FOXP1: variants seen among roughly 807,000 people sequenced by gnomAD.
The protein encoded by FOXP1 is forkhead box protein P1.
In FOXP1, 15 loss-of-function variants were observed where a neutral mutation model predicts 98.2. That is an observed-to-expected ratio of 0.15 (90% CI 0.10 to 0.24). The LOEUF (loss-of-function observed/expected upper bound fraction) is 0.24, where lower values mean the gene tolerates loss of function less well. FOXP1 is among the 10% of genes least tolerant of loss of function. The pLI, the probability that FOXP1 is intolerant of heterozygous loss-of-function variation, is 1.00. For missense variants in FOXP1, 633 were observed against 848.5 expected (o/e 0.75, Z 3.15); for synonymous variants, 371 against 314.5 (o/e 1.18, Z -1.90).
At chr3:71,000,890 A>G in intron 13 of FOXP1, 82 bp downstream of exon 13, 2 of 831,968 alleles carry the variant, frequency 2.4e-6, no homozygotes, top group Non-Finnish European at 4.2e-6. Flanking sequence ...TAATGAGTAC[A>G]CAGGAACTCA....
chr3:71,401,356 G>C (rs1477458622), intron 3 of FOXP1, among the ~76,000 whole-genome samples: 1 of 152,218 alleles, frequency 6.6e-6, no homozygotes, highest in African/African-American at 2.4e-5. Context: ...AAGAGAGAGA[G>C]AGAGGCAGCT....
At chr3:71,460,825 G>A (rs1348659747) in intron 3 of FOXP1, among the ~76,000 whole-genome samples, 2 of 152,276 alleles carry the variant, frequency 1.3e-5, no homozygotes, top group South Asian at 2.1e-4. Context: ...ATTCTGAGTG[G>A]CAACCATGTA....
chr3:71,122,485 T>C (rs1279787100), intron 6 of FOXP1, among the ~76,000 whole-genome samples: 2 of 152,168 alleles, frequency 1.3e-5, no homozygotes, highest in East Asian at 3.9e-4. Flanking sequence ...TTATTTCGAA[T>C]AGCTAAGATT....
chr3:71,529,734 G>C (rs2043680250), intron 2 of FOXP1, among the ~76,000 whole-genome samples: 1 of 152,122 alleles, frequency 6.6e-6, no homozygotes, highest in African/African-American at 2.4e-5. Context: ...GAGGTTCCTG[G>C]GGTTGCCACC....
intron 5 of FOXP1, among the ~76,000 whole-genome samples, chr3:71,275,781 C>T (rs368906565): frequency 1.3e-5 from 2 of 152,256 alleles, no homozygotes; most frequent in South Asian, 2.1e-4. Context: ...ATCACATGCC[C>T]GTGTCCCTGG....
Position 71,052,627 on chromosome 3 carries a change from CT to C in FOXP1, c.421-2del. 1 of 1,207,382 alleles carries C rather than the reference CT, an allele frequency of 8.3e-7. No individual in the cohort carries two copies. Among genetic ancestry groups the C allele is most frequent in the Non-Finnish European group, 1.2e-6 (1 of 808,166 alleles). The allele number at this position is 1,207,382 out of a possible 1,614,324, so 74.8% of individuals were successfully genotyped here. A position where few individuals can be genotyped will look rare whatever the true frequency, so the allele number is the denominator to read the frequency against. ...TTTTATAAAACTCTTGAAGCTGCTG[CT>C]ACAAAGGAAAGAGAGGACGGTAAGT... On this transcript the variant is annotated splice_acceptor_variant, in intron 8 of 20. Transcript: ENST00000649528. LOFTEE classifies it high-confidence loss of function.
intron 2 of FOXP1, among the ~76,000 whole-genome samples, chr3:71,525,388 C>A (rs968226299): frequency 6.6e-6 from 1 of 152,008 alleles, no homozygotes; most frequent in Admixed American, 6.5e-5. Context: ...TAATTTCAGA[C>A]GAAAAAAAGG....
At chr3:71,239,369 C>T (rs9866457) in intron 5 of FOXP1, among the ~76,000 whole-genome samples, 3,239 of 151,990 alleles carry the variant, frequency 0.021, 118 homozygotes, top group African/African-American at 0.074. Flanking sequence ...ATGGTGAAAC[C>T]CCGTCTCTAC....
At chr3:70,979,990 G>C (rs2038534669) in intron 14 of FOXP1, among the ~76,000 whole-genome samples, 1 of 152,210 alleles carries the variant, frequency 6.6e-6, no homozygotes, top group Non-Finnish European at 1.5e-5. Context: ...TTGTCTCGGT[G>C]AGCAAGAGAC....
At chr3:71,081,317 T>C (rs1356458907) in intron 7 of FOXP1, among the ~76,000 whole-genome samples, 1 of 152,150 alleles carries the variant, frequency 6.6e-6, no homozygotes, top group African/African-American at 2.4e-5. Context: ...CCTCAGCCAT[T>C]ATCCTGGTCA....
At chr3:71,213,588 C>G (rs76338029) in intron 5 of FOXP1, among the ~76,000 whole-genome samples, 2,090 of 152,252 alleles carry the variant, frequency 0.014, 48 homozygotes, top group African/African-American at 0.047. Flanking sequence ...GAGGCCGAGG[C>G]AGGCGGATCA....
intron 6 of FOXP1, among the ~76,000 whole-genome samples, chr3:71,189,174 A>G (rs2062823808): frequency 1.3e-5 from 2 of 152,206 alleles, no homozygotes; most frequent in South Asian, 2.1e-4. Flanking sequence ...TACTTTTCCA[A>G]CAAAAGAAAC....
chr3:71,012,438 A>G (rs1453642740), intron 12 of FOXP1, among the ~76,000 whole-genome samples: 1 of 152,186 alleles, frequency 6.6e-6, no homozygotes, highest in Admixed American at 6.6e-5. Flanking sequence ...TGCTTAATTT[A>G]AAATAAAGCA....
intron 3 of FOXP1, among the ~76,000 whole-genome samples, chr3:71,385,909 T>G (rs897289136): frequency 1.3e-5 from 2 of 152,180 alleles, no homozygotes; most frequent in Non-Finnish European, 2.9e-5. Flanking sequence ...TAACCTCTAG[T>G]TCAATGTGTA....
At chr3:71,088,590 T>C (rs2055425605) in intron 7 of FOXP1, among the ~76,000 whole-genome samples, 1 of 152,174 alleles carries the variant, frequency 6.6e-6, no homozygotes, top group Non-Finnish European at 1.5e-5. Flanking sequence ...AGGATCTCAT[T>C]ATTTTTCTTG....
chr3:71,473,531 C>A (rs1315087414), intron 3 of FOXP1, among the ~76,000 whole-genome samples: 5 of 152,068 alleles, frequency 3.3e-5, no homozygotes, highest in African/African-American at 1.2e-4. Flanking sequence ...AACAAAGTGG[C>A]AGGAAAAACC....
At chr3:70,998,128 G>A (rs1181894670) in intron 13 of FOXP1, among the ~76,000 whole-genome samples, 2 of 152,174 alleles carry the variant, frequency 1.3e-5, no homozygotes, top group East Asian at 3.8e-4. Context: ...TTGTTTTTCT[G>A]ATCCTCTTGA....
At chr3:71,507,382 G>C (rs1331718683) in intron 2 of FOXP1, among the ~76,000 whole-genome samples, 3 of 151,392 alleles carry the variant, frequency 2.0e-5, no homozygotes, top group Non-Finnish European at 4.4e-5. Flanking sequence ...AGGTCACAAA[G>C]GAATACATCA....
chr3:71,368,325 C>T (rs1298295064), intron 3 of FOXP1, among the ~76,000 whole-genome samples: 1 of 152,044 alleles, frequency 6.6e-6, no homozygotes. Flanking sequence ...GGGGTTTCAG[C>T]ATGTTGGCCA....
Sources: gnomAD v4.1 joint callset for allele counts (sites outside exome capture counted in the v4.1 genomes callset) on GRCh38, gnomAD v4.1.1 for gene constraint, MANE v1.5 for transcripts, NCBI Gene and HGNC (gene_info 2026-07-23, HGNC 2026-07-21) for gene names.